SOHLH2: variants seen among roughly 807,000 people sequenced by gnomAD.
SOHLH2 encodes the protein spermatogenesis- and oogenesis-specific basic helix-loop-helix-containing protein 2.
In SOHLH2, 22 loss-of-function variants were observed where a neutral mutation model predicts 50.4. That is an observed-to-expected ratio of 0.44 (90% CI 0.31 to 0.62). The LOEUF is 0.62. SOHLH2 is among the 20% of genes least tolerant of loss of function. The pLI, the probability that SOHLH2 is intolerant of heterozygous loss-of-function variation, is 0.08. For synonymous variants in SOHLH2, 185 were observed against 187.3 expected, an observed-to-expected ratio of 0.99 and a Z score of 0.10; for missense variants, 412 against 504.4, an observed-to-expected ratio of 0.82 and a Z score of 1.76.
intron 2 of SOHLH2, among the ~76,000 whole-genome samples, chr13:36,194,248 C>T (rs1442466815): frequency 6.6e-6 from 1 of 151,078 alleles, no homozygotes; most frequent in Non-Finnish European, 1.5e-5. Context: ...AAGAACAAGA[C>T]AAGAAAAAGG....
Position 36,174,463 on chromosome 13 carries a change from G to A in SOHLH2, c.881+13C>T. 1 of 1,611,936 alleles carries A rather than the reference G, an allele frequency of 6.2e-7. No individual in the cohort carries two copies. Among genetic ancestry groups the A allele is most frequent in the Non-Finnish European group, 8.5e-7 (1 of 1,179,582 alleles). ...ACTAGCAGACTTCAGATTCGCAAAA[G>A]CCCTTATCATACCGCTGTGCCATGA... On this transcript the variant is annotated intron_variant, in intron 8 of 10. Transcript: ENST00000379881.
At chr13:36,197,327 C>G (rs1887762188) in intron 2 of SOHLH2, among the ~76,000 whole-genome samples, 1 of 152,172 alleles carries the variant, frequency 6.6e-6, no homozygotes, top group Admixed American at 6.6e-5. Flanking sequence ...AGAACTGGAG[C>G]CAGCATCGCT....
intron 1 of SOHLH2, among the ~76,000 whole-genome samples, chr13:36,211,841 C>T (rs1194473362): frequency 1.3e-5 from 2 of 152,172 alleles, no homozygotes; most frequent in Non-Finnish European, 1.5e-5. Flanking sequence ...ATCAACCTAG[C>T]AGGGGAAGGA....
intron 2 of SOHLH2, among the ~76,000 whole-genome samples, chr13:36,200,638 T>C (rs1446395846): frequency 6.6e-6 from 1 of 152,194 alleles, no homozygotes; most frequent in Non-Finnish European, 1.5e-5. Context: ...AAGTATTTCA[T>C]GGAAGGAGAA....
intron 1 of SOHLH2, among the ~76,000 whole-genome samples, chr13:36,205,309 A>C (rs1868686928): frequency 6.6e-6 from 1 of 152,166 alleles, no homozygotes; most frequent in Non-Finnish European, 1.5e-5. Context: ...GGTGAATAAC[A>C]GGAGTGACAG....
At chr13:36,196,547 T>A (rs561795997) in intron 2 of SOHLH2, among the ~76,000 whole-genome samples, 1 of 152,310 alleles carries the variant, frequency 6.6e-6, no homozygotes, top group African/African-American at 2.4e-5. Context: ...AAGAAAATTA[T>A]TGGGTAGTTT....
At chr13:36,191,374 C>T (rs1428056087) in intron 5 of SOHLH2, among the ~76,000 whole-genome samples, 1 of 152,064 alleles carries the variant, frequency 6.6e-6, no homozygotes, top group East Asian at 1.9e-4. Context: ...TTCATGAGTT[C>T]GAGAAAGACA....
chr13:36,180,429 T>C (rs1418157133), intron 6 of SOHLH2, among the ~76,000 whole-genome samples: 2 of 152,214 alleles, frequency 1.3e-5, no homozygotes, highest in African/African-American at 4.8e-5. Context: ...CTAAACTTTG[T>C]TGTAGTTTAC....
At chr13:36,190,736 A>T (rs1056240211) in intron 5 of SOHLH2, among the ~76,000 whole-genome samples, 2 of 152,196 alleles carry the variant, frequency 1.3e-5, no homozygotes, top group Admixed American at 1.3e-4. Context: ...AAACTTTTTT[A>T]AAAAGAAAAG....
chr13:36,194,974 A>T (rs1421228043), intron 2 of SOHLH2, among the ~76,000 whole-genome samples: 4 of 152,112 alleles, frequency 2.6e-5, no homozygotes, highest in Non-Finnish European at 2.9e-5. Context: ...ATATAAATTT[A>T]TATATCTGAG....
At chr13:36,212,834 C>T (rs942328471) in intron 1 of SOHLH2, among the ~76,000 whole-genome samples, 3 of 152,210 alleles carry the variant, frequency 2.0e-5, no homozygotes, top group Non-Finnish European at 4.4e-5. Flanking sequence ...ACTTCATCCA[C>T]TGTTTCATTT....
At chr13:36,210,248 T>C (rs1417229178) in intron 1 of SOHLH2, among the ~76,000 whole-genome samples, 1 of 152,208 alleles carries the variant, frequency 6.6e-6, no homozygotes, top group African/African-American at 2.4e-5. Flanking sequence ...TGTACCCAGC[T>C]AATTCAAACC....
chr13:36,169,186 A>C, intron 10 of SOHLH2, 132 bp from the exon 11 acceptor site: 1 of 1,320,788 alleles, frequency 7.6e-7, no homozygotes, highest in Non-Finnish European at 9.9e-7. Context: ...CCTCAGGTGA[A>C]TAAGCTTACA....
intron 8 of SOHLH2, 60 bp from the exon 9 acceptor site, chr13:36,173,870 T>G (rs770288648): frequency 1.7e-5 from 27 of 1,574,350 alleles, no homozygotes; most frequent in Non-Finnish European, 2.3e-5. Flanking sequence ...TGGACACTGC[T>G]GAGTTCAATT....
intron 2 of SOHLH2, among the ~76,000 whole-genome samples, chr13:36,195,062 G>T (rs1315441010): frequency 6.6e-6 from 1 of 152,112 alleles, no homozygotes; most frequent in Non-Finnish European, 1.5e-5. Context: ...GACAGACAAG[G>T]TTCCTGCTCT....
intron 2 of SOHLH2, among the ~76,000 whole-genome samples, chr13:36,200,811 G>A (rs1220948386): frequency 6.6e-6 from 1 of 152,024 alleles, no homozygotes; most frequent in Non-Finnish European, 1.5e-5. Context: ...AGCACTTTGG[G>A]AGGCCTAGGT....
At chr13:36,178,026 G>T (rs1887139330) in intron 6 of SOHLH2, among the ~76,000 whole-genome samples, 1 of 151,716 alleles carries the variant, frequency 6.6e-6, no homozygotes, top group Non-Finnish European at 1.5e-5. Context: ...TTGTAGAACT[G>T]TAATGTCCAA....
intron 2 of SOHLH2, 62 bp from the exon 3 acceptor site, chr13:36,193,929 G>T: frequency 6.6e-7 from 1 of 1,514,038 alleles, no homozygotes; most frequent in Non-Finnish European, 9.0e-7. Context: ...TTGAGATTCA[G>T]GAGTTTAGCT....
chr13:36,211,177 A>G (rs1869099019), intron 1 of SOHLH2, among the ~76,000 whole-genome samples: 1 of 152,222 alleles, frequency 6.6e-6, no homozygotes, highest in South Asian at 2.1e-4. Context: ...GTATGGCCAT[A>G]TAATTGATCT....
Sources: allele counts gnomAD v4.1 joint callset (sites outside exome capture counted in the v4.1 genomes callset), GRCh38; gene constraint gnomAD v4.1.1; transcripts MANE v1.5; gene names NCBI Gene and HGNC (gene_info 2026-07-23, HGNC 2026-07-21).